Variants in C2orf72 observed in about 807,000 individuals in gnomAD.
C2orf72 encodes the protein chromosome 2 open reading frame 72, also known as uncharacterized protein C2orf72.
Under a neutral mutation model 14.4 loss-of-function variants are expected in C2orf72, and 16 were observed. The observed-to-expected ratio is 1.11, with a 90% confidence interval of 0.75 to 1.69. The LOEUF (loss-of-function observed/expected upper bound fraction) is 1.69. Ranked by LOEUF, C2orf72 falls within the 40% of genes most tolerant of loss-of-function variation. The pLI is 0.00. For missense variants in C2orf72, 371 were observed against 358.3 expected (o/e 1.04, Z -0.29); for synonymous variants, 168 against 176.8 (o/e 0.95, Z 0.40).
At chr2:231,038,250 C>G in intron 1 of C2orf72, 51 bp downstream of exon 1, 2 of 1,165,384 alleles carry the variant, frequency 1.7e-6, no homozygotes, top group East Asian at 3.8e-5. Context: ...GGCTCGGGCA[C>G]GTCCCCCAAG....
chr2:231,044,151 G>T (rs141688633), intron 2 of C2orf72, among the ~76,000 whole-genome samples: 1 of 144,664 alleles, frequency 6.9e-6, no homozygotes, highest in African/African-American at 2.6e-5. Flanking sequence ...CATGAATGAA[G>T]TTTTCAAGGC....
rs938715464 is a variant in C2orf72, at chr2:231,037,717, A to G, written c.152A>G (p.Asp51Gly). Residue 51 changes from aspartate to glycine, a missense_variant, in exon 1 of 3, where the codon GAC becomes GGC. Coordinates refer to ENST00000373640, the MANE Select transcript of C2orf72 (RefSeq NM_001144994.2). ...EREQSRALLRDFARAVFPPEP... is the reference protein window; with the variant it reads ...EREQSRALLRGFARAVFPPEP... ...GAACAGAGCCGCGCGCTGCTGCGGGACTTCGCACGGGCGGTGTTCCCGCCG... is the reference window on the plus strand; with the variant it reads ...GAACAGAGCCGCGCGCTGCTGCGGGGCTTCGCACGGGCGGTGTTCCCGCCG... The G allele has an allele frequency of 2.9e-6, 3 of 1,019,978 alleles. No individual in the cohort carries two copies. The highest frequency in any genetic ancestry group is 3.5e-6 in the Non-Finnish European group (3 of 854,742). 63.2% of individuals were successfully genotyped at this position (1,019,978 alleles called of 1,614,324 possible).
Position 231,039,619 on chromosome 2 carries a change from AG to A in C2orf72, c.634+1423del, listed in dbSNP as rs560205612. 5.0e-3 allele frequency among the ~76,000 whole-genome samples: 765 copies of A among 152,204 alleles called. 2 individuals are homozygous for A. The highest frequency in any genetic ancestry group is 6.8e-3 in the Non-Finnish European group (464 of 68,010). On this transcript the variant is annotated intron_variant, in intron 1 of 2. Transcript: ENST00000373640. The stretch of plus-strand genomic sequence containing the variant: ...GCGCCTGCCCTAACCCTCCTCCCTT[AG>A]GGTGCAATCCATTTTTTTGTTGAGG...
chr2:231,046,933 A>G lies in C2orf72; in HGVS notation c.800A>G (p.Asn267Ser), dbSNP rs376201020. The G allele has an allele frequency of 2.3e-5, 35 of 1,551,472 alleles. No homozygotes were observed. The highest frequency in any genetic ancestry group is 1.5e-4 in the African/African-American group (11 of 72,988). The change falls in exon 3 of 3, where the codon AAT becomes AGT. Residue 267 changes from asparagine to serine, a missense_variant. Asn to Ser is a conservative substitution (Grantham distance 46). Coordinates refer to ENST00000373640, the MANE Select transcript of C2orf72 (RefSeq NM_001144994.2). ...EELPLTAIFP[N>S]GDCDDLGRGS... is the part of the protein sequence containing the mutation. ...CTGCCACTAACAGCCATATTTCCCA[A>G]TGGAGACTGTGATGACCTTGGAAGG...
In C2orf72 at chr2:231,047,189, C is replaced by T. The variant is rs766326826; in HGVS notation, c.*168C>T. 9.6e-6 allele frequency: 8 copies of T among 829,566 alleles called. No individual in the cohort carries two copies. The South Asian group carries it at 1.0e-4, about 10-fold the overall frequency. 51.4% of individuals were successfully genotyped at this position (829,566 alleles called of 1,614,324 possible). On this transcript the variant is annotated 3_prime_UTR_variant, in exon 3 of 3. Coordinates refer to ENST00000373640, the MANE Select transcript of C2orf72 (RefSeq NM_001144994.2). ...TGGGGCTTACTAAGACAAGCAGGACCTAAAACAGTGTCTCCCCTGGGAACC... is the reference window on the plus strand; with the variant it reads ...TGGGGCTTACTAAGACAAGCAGGACTTAAAACAGTGTCTCCCCTGGGAACC...
chr2:231,049,569 G>A lies in C2orf72; in HGVS notation c.*2548G>A, dbSNP rs889427391. The A allele has an allele frequency of 2.0e-5, 3 of 152,298 alleles. No homozygotes were observed. The highest frequency in any genetic ancestry group is 1.9e-4 in the East Asian group (1 of 5,204). 9.4% of individuals were successfully genotyped at this position (152,298 alleles called of 1,614,324 possible). On this transcript the variant is annotated 3_prime_UTR_variant, in exon 3 of 3. Transcript: ENST00000373640. The stretch of plus-strand genomic sequence containing the variant: ...AGGTCAGTGGTCCCTGGGAGCCATC[G>A]GCGAGAGGCCTCCAGCCGGGTGACA...
intron 1 of C2orf72, among the ~76,000 whole-genome samples, chr2:231,038,545 G>A (rs1693292405): frequency 6.6e-6 from 1 of 151,818 alleles, no homozygotes; most frequent in South Asian, 2.1e-4. Flanking sequence ...AAGAGGAGTG[G>A]GGAAGGAAAT....
chr2:231,042,118 T>C (rs1222189216), intron 2 of C2orf72, among the ~76,000 whole-genome samples: 1 of 151,992 alleles, frequency 6.6e-6, no homozygotes, highest in Non-Finnish European at 1.5e-5. Flanking sequence ...GGGCCCGACC[T>C]GGGCAGTGGG....
chr2:231,038,137 C>A lies in C2orf72; in HGVS notation c.572C>A (p.Ser191Tyr). 8.4e-7 allele frequency: 1 copy of A among 1,185,308 alleles called. No homozygotes were observed. The allele number at this position is 1,185,308 out of a possible 1,614,324, so 73.4% of individuals were successfully genotyped here. A position where few individuals can be genotyped will look rare whatever the true frequency, so the allele number is the denominator to read the frequency against. The change falls in exon 1 of 3, where the codon TCC (serine) becomes TAC (tyrosine). Residue 191 changes from serine (S) to tyrosine (Y), a missense_variant. Transcript: ENST00000373640. ...AAAYCPGLPA[S>Y]CLAVQAAACR... ...GCCTACTGCCCCGGCCTCCCGGCCTCCTGCCTGGCCGTCCAGGCGGCCGCC... is the reference window on the plus strand; with the variant it reads ...GCCTACTGCCCCGGCCTCCCGGCCTACTGCCTGGCCGTCCAGGCGGCCGCC...
chr2:231,038,500 T>A (rs1191541733), intron 1 of C2orf72, among the ~76,000 whole-genome samples: 6 of 123,964 alleles, frequency 4.8e-5, no homozygotes, highest in African/African-American at 1.6e-4. Context: ...AAGGCCGAGA[T>A]CTAGGAGTTA....
At chr2:231,044,666 ATTTT>A (rs934535205) in intron 2 of C2orf72, among the ~76,000 whole-genome samples, 3 of 115,094 alleles carry the variant, frequency 2.6e-5, no homozygotes, top group Admixed American at 9.2e-5. Context: ...TCCTATTTTA[ATTTT>A]TTTTTTTTTT....
chr2:231,037,622 CT>C lies in C2orf72; in HGVS notation c.59del (p.Phe20SerfsTer206). 1 of 1,111,092 alleles carries C rather than the reference CT, an allele frequency of 9.0e-7. No individual in the cohort carries two copies. Among genetic ancestry groups the C allele is most frequent in the South Asian group, 2.4e-5 (1 of 41,942 alleles). The allele number at this position is 1,111,092 out of a possible 1,614,324, so 68.8% of individuals were successfully genotyped here. A position where few individuals can be genotyped will look rare whatever the true frequency, so the allele number is the denominator to read the frequency against. On this transcript the variant is annotated frameshift_variant, in exon 1 of 3. Transcript: ENST00000373640. LOFTEE classifies it high-confidence loss of function. ...GGCTTGCGCGCCCTGCCGAGCCGCC[CT>C]TCCAGGCGTTGGTGGAAGCGGCGGG... ...ARLARPAEPPFQALVEAAGGR... is the reference protein window; with the variant it reads ...ARLARPAEPPXQALVEAAGGR...
At chr2:231,044,666 A>ATTTTT (rs934535205) in intron 2 of C2orf72, among the ~76,000 whole-genome samples, 23 of 115,090 alleles carry the variant, frequency 2.0e-4, no homozygotes, top group African/African-American at 2.9e-4. Flanking sequence ...TCCTATTTTA[A>ATTTTT]TTTTTTTTTT....
intron 1 of C2orf72, among the ~76,000 whole-genome samples, 173 bp downstream of exon 1, chr2:231,038,372 G>A (rs911838287): frequency 3.3e-5 from 5 of 152,218 alleles, no homozygotes; most frequent in Admixed American, 6.5e-5. Flanking sequence ...CGTGCGTAGC[G>A]GATCGAGTCT....
At position 231,037,872 on chromosome 2, in the gene C2orf72, C is replaced by G. The variant is rs1271281054; in HGVS notation, c.307C>G (p.Arg103Gly). ...GGCGGCGGCGGCGGCGCGCGCCATC[C>G]GCTCGCCGCTGGTCTTCGTGCTGTG... ...GAAAAAARAI[R>G]SPLVFVLCRA... The change falls in exon 1 of 3, where the codon CGC (arginine) becomes GGC (glycine). Residue 103 changes from arginine (R) to glycine (G), a missense_variant. Arg to Gly is a moderately radical substitution (Grantham distance 125, BLOSUM62 -2). Coordinates refer to ENST00000373640, the MANE Select transcript of C2orf72 (RefSeq NM_001144994.2). 1.0e-6 allele frequency: 1 copy of G among 980,128 alleles called. No individual in the cohort carries two copies. Among genetic ancestry groups the G allele is most frequent in the African/African-American group, 1.8e-5 (1 of 56,032 alleles). The allele number at this position is 980,128 out of a possible 1,614,324, so 60.7% of individuals were successfully genotyped here. A position where few individuals can be genotyped will look rare whatever the true frequency, so the allele number is the denominator to read the frequency against.
chr2:231,037,824 AGGGCGGCTG>A lies in C2orf72; in HGVS notation c.267_275del (p.Gly93_Ala95del), dbSNP rs989906671. 1.1e-5 allele frequency: 11 copies of A among 976,550 alleles called. No individual in the cohort carries two copies. The African/African-American group carries it at 1.8e-4, about 16-fold the overall frequency. The allele number at this position is 976,550 out of a possible 1,614,324, so 60.5% of individuals were successfully genotyped here. The stretch of plus-strand genomic sequence containing the variant: ...GGCGCGCGGGGCGCAGAGGGCGGCG[AGGGCGGCTG>A]GGGCGGCGGGGGCGGCGGCGGCGGC... On this transcript the variant is annotated inframe_deletion, in exon 1 of 3. Coordinates refer to ENST00000373640, the MANE Select transcript of C2orf72 (RefSeq NM_001144994.2).
intron 1 of C2orf72, 27 bp from the exon 2 acceptor site, chr2:231,041,269 C>G (rs1403692037): frequency 8.0e-6 from 12 of 1,509,008 alleles, no homozygotes; most frequent in African/African-American, 1.4e-5. Context: ...ATGTGACCCT[C>G]TGACTCAGGT....
Position 231,038,072 on chromosome 2 carries a change from CG to C in C2orf72, c.508del (p.Val170CysfsTer56). The stretch of plus-strand genomic sequence containing the variant: ...GGCTGCTGGAGGCGCTGTTGCGCGC[CG>C]TGTTCGGCCGCCAGGCGGGGGGGCC... Reference protein sequence around the residue: ...LRLLEALLRAVFGRQAGGPVQ... With the variant: ...LRLLEALLRAXFGRQAGGPVQ... On this transcript the variant is annotated frameshift_variant, in exon 1 of 3. Transcript: ENST00000373640. LOFTEE classifies it high-confidence loss of function. 8.8e-7 allele frequency: 1 copy of C among 1,131,738 alleles called. No individual in the cohort carries two copies. Among genetic ancestry groups the C allele is most frequent in the East Asian group, 4.6e-5 (1 of 21,564 alleles). 70.1% of individuals were successfully genotyped at this position (1,131,738 alleles called of 1,614,324 possible).
At chr2:231,046,590 G>A (rs1421395974) in intron 2 of C2orf72, among the ~76,000 whole-genome samples, 1 of 152,080 alleles carries the variant, frequency 6.6e-6, no homozygotes. Context: ...CAAACACCCA[G>A]GTTTGCTCTT....
Sources: allele counts gnomAD v4.1 joint callset (sites outside exome capture counted in the v4.1 genomes callset), GRCh38; gene constraint gnomAD v4.1.1; transcripts MANE v1.5; gene names NCBI Gene and HGNC (gene_info 2026-07-23, HGNC 2026-07-21).